The following SLC9A1 variants were observed in gnomAD, a reference collection of about 807,000 sequenced individuals.
The protein encoded by SLC9A1 is solute carrier family 9 member A1.
Under a neutral mutation model 67.9 loss-of-function variants are expected in SLC9A1, and 22 were observed. The ratio of observed to expected loss-of-function variants is 0.32; its 90% CI spans 0.23 to 0.46. SLC9A1 has a LOEUF of 0.46. SLC9A1 is among the 20% of genes least tolerant of loss of function. SLC9A1 has a pLI of 1.00. For synonymous variants in SLC9A1, 421 were observed against 471.8 expected, an observed-to-expected ratio of 0.89 and a Z score of 1.40; for missense variants, 686 against 1,094.8, an observed-to-expected ratio of 0.63 and a Z score of 5.27.
chr1:27,155,106 G>C lies in SLC9A1; in HGVS notation c.-772C>G, dbSNP rs1041327703. Among the ~76,000 whole-genome samples the C allele has an allele frequency of 6.6e-6, 1 of 152,024 alleles. No individual in the cohort carries two copies. The highest frequency in any genetic ancestry group is 2.4e-5 in the African/African-American group (1 of 41,414). Reference sequence around the variant, plus strand: ...CAGCTCCAGAACTAACCCTAGCCCCGGCCCCGGCGGCAGCAGACTGAAGCC... The same window carrying C: ...CAGCTCCAGAACTAACCCTAGCCCCCGCCCCGGCGGCAGCAGACTGAAGCC... On this transcript the variant is annotated 5_prime_UTR_variant, in exon 1 of 12. Coordinates refer to ENST00000263980, the MANE Select transcript of SLC9A1 (RefSeq NM_003047.5). The surrounding 1 kb of genome is among the most constrained non-coding windows in gnomAD (Gnocchi z 4.5).
At chr1:27,131,745 CAAA>C (rs34967146) in intron 1 of SLC9A1, among the ~76,000 whole-genome samples, 4 of 97,784 alleles carry the variant, frequency 4.1e-5, no homozygotes, top group Admixed American at 1.2e-4. Context: ...GACTCTGTCT[CAAA>C]AAAAAAAAAA....
chr1:27,132,162 C>T (rs779034975), intron 1 of SLC9A1, among the ~76,000 whole-genome samples: 20 of 151,754 alleles, frequency 1.3e-4, no homozygotes, highest in Non-Finnish European at 2.5e-4. Flanking sequence ...CAACTACTTC[C>T]TCATACGAGC....
rs1570851482 is a variant in SLC9A1, at chr1:27,109,304, A to G, written c.1064+223T>C. 6.6e-6 allele frequency among the ~76,000 whole-genome samples: 1 copy of G among 152,020 alleles called. No homozygotes were observed. The highest frequency in any genetic ancestry group is 1.5e-5 in the Non-Finnish European group (1 of 68,012). ...TGAAATGCCCTCTCCCGATTCCTGG[A>G]CCCCAGGGGGCGCTGCAGAAGTGCT... On this transcript the variant is annotated intron_variant, in intron 3 of 11. Transcript: ENST00000263980. This position sits in a 1 kb window ranked among gnomAD's most constrained non-coding sequence, Gnocchi z 5.5.
At position 27,137,769 on chromosome 1, in the gene SLC9A1, G is replaced by A. The variant is rs770450336; in HGVS notation, c.352+16214C>T. 1.3e-5 allele frequency among the ~76,000 whole-genome samples: 2 copies of A among 152,156 alleles called. No homozygotes were observed. Among genetic ancestry groups the A allele is most frequent in the Non-Finnish European group, 2.9e-5 (2 of 68,016 alleles). On this transcript the variant is annotated intron_variant, in intron 1 of 11. Transcript: ENST00000263980. This position sits in a 1 kb window ranked among gnomAD's most constrained non-coding sequence, Gnocchi z 4.6. ...GTCTGGTGACTGTTTGCCTGCAGGC[G>A]CTGAGGCTCAGCAAGGGAGGGGTGG...
intron 1 of SLC9A1, among the ~76,000 whole-genome samples, chr1:27,124,588 G>A (rs2083327767): frequency 6.6e-6 from 1 of 152,228 alleles, no homozygotes; most frequent in Non-Finnish European, 1.5e-5. Context: ...GAATGCGGGG[G>A]ACCGCAAAGG....
chr1:27,147,070 G>A (rs536719837), intron 1 of SLC9A1, among the ~76,000 whole-genome samples: 4 of 151,212 alleles, frequency 2.6e-5, no homozygotes, highest in African/African-American at 4.9e-5. Flanking sequence ...TCAGGAGTTC[G>A]AGACCAGCCT....
At chr1:27,144,599 G>T (rs1570885575) in intron 1 of SLC9A1, among the ~76,000 whole-genome samples, 2 of 152,224 alleles carry the variant, frequency 1.3e-5, no homozygotes, top group East Asian at 1.9e-4. Flanking sequence ...CTGGTTTCTT[G>T]TCTGCCCCAG....
At position 27,155,076 on chromosome 1, in the gene SLC9A1, T is replaced by C. The variant is rs542884078; in HGVS notation, c.-742A>G. ...GCCCCGGCCCAGCTGCAGCTCCTCC[T>C]GGTCCAGCTCCAGAACTAACCCTAG... On this transcript the variant is annotated 5_prime_UTR_variant, in exon 1 of 12. Coordinates refer to ENST00000263980, the MANE Select transcript of SLC9A1 (RefSeq NM_003047.5). The surrounding 1 kb of genome is among the most constrained non-coding windows in gnomAD (Gnocchi z 4.5). 1.3e-5 allele frequency among the ~76,000 whole-genome samples: 2 copies of C among 152,110 alleles called. No individual in the cohort carries two copies. The highest frequency in any genetic ancestry group is 6.5e-5 in the Admixed American group (1 of 15,284).
intron 1 of SLC9A1, among the ~76,000 whole-genome samples, chr1:27,142,762 G>C (rs1223866629): frequency 6.6e-6 from 1 of 152,184 alleles, no homozygotes; most frequent in Non-Finnish European, 1.5e-5. Flanking sequence ...TGTTGCATCT[G>C]CTTTGATTTC....
At chr1:27,110,508 C>T (rs1452834113) in intron 2 of SLC9A1, among the ~76,000 whole-genome samples, 3 of 152,190 alleles carry the variant, frequency 2.0e-5, no homozygotes, top group African/African-American at 2.4e-5. Flanking sequence ...GTCTCCTGGA[C>T]TGGGAAATAG....
At chr1:27,102,624 G>T in intron 7 of SLC9A1, 49 bp downstream of exon 7, 2 of 1,612,404 alleles carry the variant, frequency 1.2e-6, no homozygotes, top group South Asian at 1.1e-5. Context: ...CCAGGCCCAG[G>T]AGACCCTTGC....
chr1:27,132,679 T>C (rs1241500184), intron 1 of SLC9A1, among the ~76,000 whole-genome samples: 1 of 152,192 alleles, frequency 6.6e-6, no homozygotes, highest in African/African-American at 2.4e-5. Context: ...AGCAGGACTT[T>C]TTCTCATCAC....
chr1:27,114,960 G>A lies in SLC9A1; in HGVS notation c.353-674C>T, dbSNP rs1189622102. On this transcript the variant is annotated intron_variant, in intron 1 of 11. Transcript: ENST00000263980. This position sits in a 1 kb window ranked among gnomAD's most constrained non-coding sequence, Gnocchi z 5.4. ...GCAGCTGCTCAAGACACGGCTCAAGGATGTCAGTGGCAACCAGCTTTGGCA... is the reference window on the plus strand; with the variant it reads ...GCAGCTGCTCAAGACACGGCTCAAGAATGTCAGTGGCAACCAGCTTTGGCA... Among the ~76,000 whole-genome samples the A allele has an allele frequency of 6.6e-6, 1 of 152,166 alleles. No homozygotes were observed. Among genetic ancestry groups the A allele is most frequent in the Non-Finnish European group, 1.5e-5 (1 of 68,022 alleles).
intron 2 of SLC9A1, 72 bp downstream of exon 2, chr1:27,113,754 G>A: frequency 8.9e-7 from 1 of 1,120,326 alleles, no homozygotes; most frequent in Non-Finnish European, 1.3e-6. Context: ...GCGGGTGGAT[G>A]AGGGATTCAC....
In SLC9A1 at chr1:27,103,563, C is replaced by T. The variant is rs148850790; in HGVS notation, c.1486-251G>A. ...AATGACCCCCACACTGGTCATCTGGCCTGGGCCAGGCAGCAGACAGCCTGG... is the reference window on the plus strand; with the variant it reads ...AATGACCCCCACACTGGTCATCTGGTCTGGGCCAGGCAGCAGACAGCCTGG... On this transcript the variant is annotated intron_variant, in intron 5 of 11. Coordinates refer to ENST00000263980, the MANE Select transcript of SLC9A1 (RefSeq NM_003047.5). The T allele has an allele frequency of 3.0e-3, 1,616 of 534,046 alleles. 5 individuals carry two copies. The highest frequency in any genetic ancestry group is 6.2e-3 in the Middle Eastern group (12 of 1,932). 33.1% of individuals were successfully genotyped at this position (534,046 alleles called of 1,614,324 possible). A position where few individuals can be genotyped will look rare whatever the true frequency, so the allele number is the denominator to read the frequency against.
In SLC9A1 at chr1:27,100,313, C is replaced by A. The variant is rs1458389763; in HGVS notation, c.2442G>T (p.Gly814=). 1 of 1,525,084 alleles carries A rather than the reference C, an allele frequency of 6.6e-7. No individual in the cohort carries two copies. 94.5% of individuals were successfully genotyped at this position (1,525,084 alleles called of 1,614,324 possible). A position where few individuals can be genotyped will look rare whatever the true frequency, so the allele number is the denominator to read the frequency against. ...CTGCCTGCTGGCCCTGGTGTTACTG[C>A]CCCTTGGGGAAGAACGGTTCTCCCT... ...PGEGEPFFPK[G]Q The change falls in exon 12 of 12, where the codon GGG becomes GGT. Residue 814 remains glycine, a synonymous_variant. Transcript: ENST00000263980. The surrounding 1 kb of genome is among the most constrained non-coding windows in gnomAD (Gnocchi z 5.6).
At chr1:27,153,642 C>T (rs78512573) in intron 1 of SLC9A1, among the ~76,000 whole-genome samples, 3 of 152,236 alleles carry the variant, frequency 2.0e-5, no homozygotes, top group Non-Finnish European at 4.4e-5. Context: ...TTCTGTCTCA[C>T]ACACAGCGGG....
chr1:27,144,610 G>C (rs1411629793), intron 1 of SLC9A1, among the ~76,000 whole-genome samples: 1 of 152,194 alleles, frequency 6.6e-6, no homozygotes, highest in Non-Finnish European at 1.5e-5. Context: ...TCTGCCCCAG[G>C]GCTTTGCAGG....
intron 1 of SLC9A1, 149 bp downstream of exon 1, chr1:27,153,834 T>C: frequency 3.4e-6 from 2 of 580,816 alleles, no homozygotes. Context: ...AACTGGAGCC[T>C]GAGAAGGACC....
Sources: allele counts gnomAD v4.1 joint callset (sites outside exome capture counted in the v4.1 genomes callset), GRCh38; gene constraint gnomAD v4.1.1; non-coding constraint Gnocchi (gnomAD v3.1); transcripts MANE v1.5; gene names NCBI Gene and HGNC (gene_info 2026-07-23, HGNC 2026-07-21).